Variants in FAM169A observed in about 807,000 individuals in gnomAD.
The protein encoded by FAM169A is soluble lamin-associated protein of 75 kDa.
In FAM169A, 24 loss-of-function variants were observed where a neutral mutation model predicts 75.7. The ratio of observed to expected loss-of-function variants is 0.32; its 90% CI spans 0.23 to 0.45. FAM169A has a LOEUF of 0.45. Ranked by LOEUF, FAM169A falls within the 20% of genes least tolerant of loss-of-function variation. FAM169A has a pLI of 1.00. For missense variants in FAM169A, 673 were observed against 784.0 expected (o/e 0.86, Z 1.69); for synonymous variants, 271 against 271.0 (o/e 1.00, Z 0.00).
intron 4 of FAM169A, among the ~76,000 whole-genome samples, chr5:74,834,998 T>TAA (rs1184976037): frequency 6.2e-5 from 7 of 112,860 alleles, no homozygotes; most frequent in Non-Finnish European, 1.0e-4. Context: ...GTCTCCACAT[T>TAA]TAAAAAAAAA....
At chr5:74,810,643 G>T (rs1377543060) in intron 6 of FAM169A, among the ~76,000 whole-genome samples, 1 of 150,328 alleles carries the variant, frequency 6.7e-6, no homozygotes, top group Non-Finnish European at 1.5e-5. Context: ...CCAGCTACTC[G>T]GGAGGCTGAG....
chr5:74,801,024 T>A lies in FAM169A; in HGVS notation c.959A>T (p.Asp320Val). Residue 320 changes from aspartate to valine, a missense_variant, in exon 10 of 13, where the codon GAT becomes GTT. Transcript: ENST00000687041. ...DAFASTSEGH[D>V]KTSVSTHTRS... ...AGTATGAGTGGAAACAGATGTTTTATCATGACCTGAGGAGAAAAACAGCAA... is the reference window on the plus strand; with the variant it reads ...AGTATGAGTGGAAACAGATGTTTTAACATGACCTGAGGAGAAAAACAGCAA... 6.5e-7 allele frequency: 1 copy of A among 1,548,068 alleles called. No homozygotes were observed. The highest frequency in any genetic ancestry group is 8.7e-7 in the Non-Finnish European group (1 of 1,148,548).
intron 5 of FAM169A, among the ~76,000 whole-genome samples, chr5:74,816,017 T>C (rs1474300242): frequency 6.6e-6 from 1 of 152,222 alleles, no homozygotes; most frequent in Non-Finnish European, 1.5e-5. Context: ...CCTAATAAAC[T>C]TGCTTTCACT....
rs182532509 is a variant in FAM169A at position 74,777,762 on chromosome 5, T to C, written c.*3698A>G. On this transcript the variant is annotated 3_prime_UTR_variant, in exon 13 of 13. Coordinates refer to ENST00000687041, the MANE Select transcript of FAM169A (RefSeq NM_001376049.1). ...AGGAAACAATCACAAAATATAGGTT[T>C]AATTACTACTTTTAAACTTAAAAAA... 2.1e-4 allele frequency: 32 copies of C among 152,100 alleles called. No homozygotes were observed. Among genetic ancestry groups the C allele is most frequent in the Non-Finnish European group, 4.3e-4 (29 of 67,902 alleles). The allele number at this position is 152,100 out of a possible 1,614,324, so 9.4% of individuals were successfully genotyped here.
At chr5:74,865,012 C>T (rs563767707) in intron 1 of FAM169A, among the ~76,000 whole-genome samples, 3 of 152,196 alleles carry the variant, frequency 2.0e-5, no homozygotes, top group Non-Finnish European at 4.4e-5. Context: ...AAACGCATGG[C>T]ACACCAAACC....
intron 11 of FAM169A, among the ~76,000 whole-genome samples, chr5:74,787,465 A>T (rs926933678): frequency 2.6e-5 from 4 of 152,214 alleles, no homozygotes; most frequent in Non-Finnish European, 4.4e-5. Context: ...TACTCATCCC[A>T]GCTGGGAGGG....
intron 5 of FAM169A, among the ~76,000 whole-genome samples, chr5:74,832,658 T>C (rs1418730362): frequency 2.7e-5 from 4 of 149,498 alleles, no homozygotes; most frequent in Admixed American, 6.7e-5. Context: ...ATATAACATT[T>C]ATTTATATAT....
chr5:74,838,084 A>G (rs1211539267), intron 4 of FAM169A, among the ~76,000 whole-genome samples: 1 of 148,284 alleles, frequency 6.7e-6, no homozygotes, highest in Admixed American at 6.8e-5. Context: ...ACCCCACTCC[A>G]GCCTAGGCGA....
chr5:74,799,229 G>C, intron 10 of FAM169A: 1 of 1,403,458 alleles, frequency 7.1e-7, no homozygotes, highest in Non-Finnish European at 1.0e-6. Context: ...GCCTATGTCT[G>C]GAGTCAGAAA....
Position 74,779,574 on chromosome 5 carries a change from G to A in FAM169A, c.*1886C>T, listed in dbSNP as rs1430142358. 6.6e-6 allele frequency: 1 copy of A among 151,008 alleles called. No homozygotes were observed. Among genetic ancestry groups the A allele is most frequent in the African/African-American group, 2.4e-5 (1 of 41,130 alleles). The allele number at this position is 151,008 out of a possible 1,614,324, so 9.4% of individuals were successfully genotyped here. A position where few individuals can be genotyped will look rare whatever the true frequency, so the allele number is the denominator to read the frequency against. On this transcript the variant is annotated 3_prime_UTR_variant, in exon 13 of 13. Transcript: ENST00000687041. The stretch of plus-strand genomic sequence containing the variant: ...TATTGACAGAAGTTTCTCATAAAAT[G>A]TATAAAACAGCATAAATGTTTGGTA...
chr5:74,815,708 G>T (rs1234007848), intron 5 of FAM169A, among the ~76,000 whole-genome samples: 1 of 152,160 alleles, frequency 6.6e-6, no homozygotes, highest in Non-Finnish European at 1.5e-5. Flanking sequence ...CAAGATGCAG[G>T]TCATAAACAC....
At chr5:74,839,461 G>A (rs1030580991) in intron 3 of FAM169A, among the ~76,000 whole-genome samples, 5 of 151,514 alleles carry the variant, frequency 3.3e-5, no homozygotes, top group Non-Finnish European at 5.9e-5. Flanking sequence ...TTCCCCTTCT[G>A]CCATGATTGC....
At chr5:74,840,231 A>T (rs1332287944) in intron 2 of FAM169A, 58 bp from the exon 3 acceptor site, 1 of 728,522 alleles carries the variant, frequency 1.4e-6, no homozygotes, top group Non-Finnish European at 2.2e-6. Flanking sequence ...TACATTAAAA[A>T]AATCAATCTT....
chr5:74,800,894 T>C lies in FAM169A; in HGVS notation c.1089A>G (p.Thr363=). The C allele has an allele frequency of 1.4e-6, 2 of 1,444,982 alleles. No homozygotes were observed. Among genetic ancestry groups the C allele is most frequent in the Admixed American group, 2.3e-5 (1 of 43,494 alleles). 89.5% of individuals were successfully genotyped at this position (1,444,982 alleles called of 1,614,324 possible). ...EDEKTSQTSL[T]ASINKLESTA... The stretch of plus-strand genomic sequence containing the variant: ...CAATTATTTACTTGTTTATTGAAGC[T>C]GTAAGTGAAGTCTGGGAGGTCTTTT... The change falls in exon 10 of 13, where the codon ACA becomes ACG. Residue 363 remains threonine (T), a synonymous_variant. Transcript: ENST00000687041.
chr5:74,835,178 A>G (rs956649394), intron 4 of FAM169A, among the ~76,000 whole-genome samples: 4 of 152,152 alleles, frequency 2.6e-5, no homozygotes, highest in Admixed American at 2.0e-4. Context: ...GGGATACCAA[A>G]GAAGTCTAAT....
intron 5 of FAM169A, among the ~76,000 whole-genome samples, chr5:74,817,446 T>C (rs1747528560): frequency 6.6e-6 from 1 of 151,968 alleles, no homozygotes; most frequent in South Asian, 2.1e-4. Flanking sequence ...CCATTCATAA[T>C]AGCATCAAAA....
At chr5:74,813,172 G>A (rs1219597948) in intron 6 of FAM169A, among the ~76,000 whole-genome samples, 2 of 152,174 alleles carry the variant, frequency 1.3e-5, no homozygotes, top group Non-Finnish European at 2.9e-5. Flanking sequence ...AGGGGAAATG[G>A]ATGGTGACTG....
At chr5:74,826,072 C>T (rs150077204) in intron 5 of FAM169A, among the ~76,000 whole-genome samples, 1 of 152,222 alleles carries the variant, frequency 6.6e-6, no homozygotes, top group African/African-American at 2.4e-5. Flanking sequence ...TATTTACCAT[C>T]ATTTAGGTTT....
intron 2 of FAM169A, among the ~76,000 whole-genome samples, chr5:74,840,551 G>A (rs949289436): frequency 6.7e-5 from 10 of 149,742 alleles, no homozygotes; most frequent in Admixed American, 4.7e-4. Flanking sequence ...AAAGCAGGCC[G>A]GGCACAGTGG....
Sources: allele counts gnomAD v4.1 joint callset (sites outside exome capture counted in the v4.1 genomes callset), GRCh38; gene constraint gnomAD v4.1.1; transcripts MANE v1.5; gene names NCBI Gene and HGNC (gene_info 2026-07-23, HGNC 2026-07-21).